LRFN5: variants seen among roughly 807,000 people sequenced by gnomAD.
The protein encoded by LRFN5 is leucine-rich repeat and fibronectin type-III domain-containing protein 5.
A neutral mutation model predicts 45.6 loss-of-function variants in LRFN5; 24 were observed. That is an observed-to-expected ratio of 0.53 (90% confidence interval 0.38 to 0.74). The LOEUF is 0.74. Ranked by LOEUF, LRFN5 falls within the 30% of genes least tolerant of loss-of-function variation. The pLI, the probability that LRFN5 is intolerant of heterozygous loss-of-function variation, is 0.00. For synonymous variants in LRFN5, 340 were observed against 313.8 expected, an observed-to-expected ratio of 1.08 and a Z score of -0.88; for missense variants, 776 against 861.5, an observed-to-expected ratio of 0.90 and a Z score of 1.24.
At chr14:41,867,371 G>T (rs1477028037) in intron 2 of LRFN5, among the ~76,000 whole-genome samples, 1 of 151,902 alleles carries the variant, frequency 6.6e-6, no homozygotes, top group Non-Finnish European at 1.5e-5. Context: ...TGTGTGGAGG[G>T]TTATGTGTGT....
intron 2 of LRFN5, among the ~76,000 whole-genome samples, chr14:41,810,874 A>G (rs2138990821): frequency 6.6e-6 from 1 of 152,172 alleles, no homozygotes; most frequent in East Asian, 1.9e-4. Context: ...AAAAGCCTTC[A>G]GGCAAGCACA....
intron 1 of LRFN5, among the ~76,000 whole-genome samples, chr14:41,678,378 C>T (rs1244660590): frequency 6.6e-6 from 1 of 151,888 alleles, no homozygotes; most frequent in East Asian, 1.9e-4. Context: ...CATCTAACAA[C>T]AGAGGCCCAA....
At chr14:41,838,989 C>A (rs1358296117) in intron 2 of LRFN5, among the ~76,000 whole-genome samples, 1 of 151,968 alleles carries the variant, frequency 6.6e-6, no homozygotes. Context: ...TGGAGAATGT[C>A]TTTTTGTTGT....
At chr14:41,654,270 T>C (rs777163444) in intron 1 of LRFN5, among the ~76,000 whole-genome samples, 2 of 151,998 alleles carry the variant, frequency 1.3e-5, no homozygotes, top group African/African-American at 2.4e-5. Flanking sequence ...GGAGGAGACA[T>C]GACATGTTTT....
chr14:41,762,388 C>G (rs949288023), intron 1 of LRFN5, among the ~76,000 whole-genome samples: 4 of 152,094 alleles, frequency 2.6e-5, no homozygotes, highest in Non-Finnish European at 5.9e-5. Context: ...ATTTATTTGT[C>G]ATATGATCTT....
intron 2 of LRFN5, among the ~76,000 whole-genome samples, chr14:41,771,688 C>T (rs1008810511): frequency 1.1e-4 from 16 of 152,196 alleles, no homozygotes; most frequent in African/African-American, 3.1e-4. Flanking sequence ...TCATTTCCAT[C>T]GGAGACCTTG....
chr14:41,893,727 A>T (rs530726217), intron 4 of LRFN5: 2 of 984,678 alleles, frequency 2.0e-6, no homozygotes, highest in African/African-American at 3.5e-5. Context: ...TAAAGTAGTT[A>T]GAGATTACTT....
At position 41,704,912 on chromosome 14, in the gene LRFN5, C is replaced by T. The variant is rs79746398; in HGVS notation, c.-196-61942C>T. 7.1e-3 allele frequency among the ~76,000 whole-genome samples: 1,075 copies of T among 152,164 alleles called. 18 individuals are homozygous for T. Among genetic ancestry groups the T allele is most frequent in the African/African-American group, 0.025 (1,035 of 41,500 alleles). On this transcript the variant is annotated intron_variant, in intron 1 of 5. Transcript: ENST00000298119. ...TAAGCAATTAGGTTTCTGGATTCTA[C>T]CTGCTCATCTTCCAAATGCTCTTAA... is the stretch of plus-strand genomic sequence containing the variant.
In LRFN5 at chr14:41,712,541, CTT is replaced by C. The variant is rs1195350126; in HGVS notation, c.-196-54312_-196-54311del. ...AAGGATAATAGGTTTTGTTATATAA[CTT>C]GGCAATTCTAAAATTAATATGTAAA... On this transcript the variant is annotated intron_variant, in intron 1 of 5. Transcript: ENST00000298119. 2.6e-5 allele frequency among the ~76,000 whole-genome samples: 4 copies of C among 152,084 alleles called. No individual in the cohort carries two copies. The East Asian group carries it at 7.7e-4, about 29-fold the overall frequency.
At chr14:41,829,682 A>G (rs1888412243) in intron 2 of LRFN5, among the ~76,000 whole-genome samples, 1 of 151,268 alleles carries the variant, frequency 6.6e-6, no homozygotes, top group South Asian at 2.1e-4. Context: ...GTTCATTTCA[A>G]ATATTATATA....
intron 2 of LRFN5, among the ~76,000 whole-genome samples, chr14:41,823,344 C>T (rs74045456): frequency 2.6e-5 from 4 of 151,690 alleles, no homozygotes; most frequent in Admixed American, 1.3e-4. Flanking sequence ...GATGAATTCC[C>T]TTAGCATTCG....
chr14:41,795,696 T>C (rs889565109), intron 2 of LRFN5, among the ~76,000 whole-genome samples: 9 of 151,718 alleles, frequency 5.9e-5, no homozygotes, highest in Admixed American at 5.3e-4. Flanking sequence ...AAACACCACA[T>C]GTTCTCACTC....
At chr14:41,890,726 T>A in intron 3 of LRFN5, among the ~76,000 whole-genome samples, 1 of 151,916 alleles carries the variant, frequency 6.6e-6, no homozygotes, top group Non-Finnish European at 1.5e-5. Flanking sequence ...AAAAAAAACT[T>A]TAATCTTAGT....
intron 2 of LRFN5, among the ~76,000 whole-genome samples, chr14:41,846,352 C>T (rs1048454730): frequency 1.3e-5 from 2 of 151,918 alleles, no homozygotes; most frequent in Non-Finnish European, 2.9e-5. Context: ...TAATCAAAAA[C>T]TAGAAAAAGA....
At chr14:41,732,838 G>A (rs181159888) in intron 1 of LRFN5, among the ~76,000 whole-genome samples, 4 of 151,542 alleles carry the variant, frequency 2.6e-5, no homozygotes, top group East Asian at 3.9e-4. Context: ...ACATTGAAAC[G>A]TCAACACAAT....
chr14:41,721,054 C>G (rs1263071175), intron 1 of LRFN5, among the ~76,000 whole-genome samples: 1 of 152,040 alleles, frequency 6.6e-6, no homozygotes, highest in Non-Finnish European at 1.5e-5. Flanking sequence ...TTTTATTAAC[C>G]TGGGTGCTCC....
At chr14:41,698,881 G>A (rs1365354636) in intron 1 of LRFN5, among the ~76,000 whole-genome samples, 1 of 152,048 alleles carries the variant, frequency 6.6e-6, no homozygotes, top group Non-Finnish European at 1.5e-5. Context: ...ATTAATTTGT[G>A]TATGGTAAGA....
At chr14:41,769,536 GTGTATATA>G (rs894916746) in intron 2 of LRFN5, among the ~76,000 whole-genome samples, 1 of 152,046 alleles carries the variant, frequency 6.6e-6, no homozygotes, top group African/African-American at 2.4e-5. Context: ...ACATATGTGT[GTGTATATA>G]TGTATATATG....
At chr14:41,842,132 T>C (rs1333573473) in intron 2 of LRFN5, among the ~76,000 whole-genome samples, 3 of 152,076 alleles carry the variant, frequency 2.0e-5, no homozygotes, top group Non-Finnish European at 4.4e-5. Flanking sequence ...TTGTTGTTTT[T>C]GGCTTTTCCA....
Sources: gnomAD v4.1 joint callset for allele counts (sites outside exome capture counted in the v4.1 genomes callset) on GRCh38, gnomAD v4.1.1 for gene constraint, MANE v1.5 for transcripts, NCBI Gene and HGNC (gene_info 2026-07-23, HGNC 2026-07-21) for gene names.